ANKRD44: variants seen among roughly 807,000 people sequenced by gnomAD.
ANKRD44 encodes the protein ankyrin repeat domain 44.
A neutral mutation model predicts 116.0 loss-of-function variants in ANKRD44; 35 were observed. The ratio of observed to expected loss-of-function variants is 0.30; its 90% CI spans 0.23 to 0.40. The LOEUF is 0.40. Among genes scored for constraint, ANKRD44 ranks in the 10% least tolerant of loss-of-function variants. ANKRD44 has a pLI of 1.00. For synonymous variants in ANKRD44, 435 were observed against 461.8 expected (o/e 0.94, Z 0.74); for missense variants, 1,014 against 1,242.6 (o/e 0.82, Z 2.77).
chr2:197,086,958 T>C (rs924700370), intron 12 of ANKRD44, among the ~76,000 whole-genome samples: 5 of 152,198 alleles, frequency 3.3e-5, no homozygotes, highest in African/African-American at 4.8e-5. Context: ...AATAAATCAA[T>C]AGATTAAAGA....
intron 16 of ANKRD44, among the ~76,000 whole-genome samples, chr2:197,062,612 T>A (rs1559031445): frequency 1.3e-5 from 2 of 152,166 alleles, no homozygotes; most frequent in Admixed American, 6.5e-5. Context: ...ATCGGGTCAC[T>A]CCCACCCTAA....
Position 197,028,161 on chromosome 2 carries a change from T to C in ANKRD44, c.1651-2894A>G, listed in dbSNP as rs114040792. Among the ~76,000 whole-genome samples the C allele has an allele frequency of 4.4e-3, 677 of 152,328 alleles. 6 individuals are homozygous for C. Among genetic ancestry groups the C allele is most frequent in the African/African-American group, 0.016 (653 of 41,574 alleles). On this transcript the variant is annotated intron_variant, in intron 16 of 27. Transcript: ENST00000282272. ...AACTAGCAATAGTATAGGTTAAATA[T>C]AGTGGTATATATTACACTTTCAGAT... is the stretch of plus-strand genomic sequence containing the variant.
chr2:196,989,863 TA>T (rs2075888425), intron 27 of ANKRD44: 3 of 1,222,860 alleles, frequency 2.5e-6, no homozygotes, highest in Admixed American at 4.2e-5. Flanking sequence ...TGATGTTTTT[TA>T]AAAGTTAGTA....
At chr2:197,165,534 T>C (rs936947223) in intron 2 of ANKRD44, among the ~76,000 whole-genome samples, 5 of 152,182 alleles carry the variant, frequency 3.3e-5, no homozygotes, top group Admixed American at 2.0e-4. Flanking sequence ...TGTAAGCAGC[T>C]AGGAATAGTG....
intron 1 of ANKRD44, among the ~76,000 whole-genome samples, chr2:197,275,853 T>TTTATA (rs1213338812): frequency 1.3e-5 from 2 of 152,032 alleles, no homozygotes; most frequent in Non-Finnish European, 2.9e-5. Context: ...GGGGAAAGAG[T>TTTATA]TTATATAATT....
At chr2:197,205,582 A>G (rs1306104541) in intron 1 of ANKRD44, among the ~76,000 whole-genome samples, 1 of 152,208 alleles carries the variant, frequency 6.6e-6, no homozygotes, top group Non-Finnish European at 1.5e-5. Flanking sequence ...TAGTTCAACT[A>G]TGCCATATTG....
chr2:197,278,851 T>C (rs1056368919), intron 1 of ANKRD44, among the ~76,000 whole-genome samples: 5 of 152,180 alleles, frequency 3.3e-5, no homozygotes, highest in Non-Finnish European at 5.9e-5. Context: ...TTGGAAACAT[T>C]TGGAGCAGAA....
chr2:197,217,317 T>A (rs1439779010), intron 1 of ANKRD44, among the ~76,000 whole-genome samples: 1 of 152,188 alleles, frequency 6.6e-6, no homozygotes, highest in Admixed American at 6.5e-5. Flanking sequence ...AATAGAGCCA[T>A]CTTTTAAGGC....
intron 8 of ANKRD44, among the ~76,000 whole-genome samples, chr2:197,118,493 G>A (rs892867071): frequency 2.0e-5 from 3 of 152,076 alleles, no homozygotes; most frequent in Admixed American, 1.3e-4. Flanking sequence ...GGGAGGCTGA[G>A]GCAGGAGAAT....
chr2:197,149,540 G>A (rs956838655), intron 2 of ANKRD44, among the ~76,000 whole-genome samples: 4 of 152,176 alleles, frequency 2.6e-5, no homozygotes, highest in Non-Finnish European at 4.4e-5. Context: ...GAATAACTAT[G>A]CGAATTGATA....
chr2:196,975,809 AAAAGAAAGAAAG>A (rs139764360), intron 21 of ANKRD44, among the ~76,000 whole-genome samples: 110 of 136,478 alleles, frequency 8.1e-4, no homozygotes, highest in South Asian at 3.6e-3. Flanking sequence ...AGAAAAAGAA[AAAAGAAAGAAAG>A]AAAGAAAGAA....
rs1429999042 is a variant in ANKRD44 at position 197,201,751 on chromosome 2, T to C, written c.28-14645A>G. ...CAGGTATACTGTGTGATGCTAAGGT[T>C]TGGGCTTCTAATGATCCCATCGCCC... On this transcript the variant is annotated intron_variant, in intron 1 of 27. Coordinates refer to ENST00000282272, the MANE Select transcript of ANKRD44 (RefSeq NM_001195144.2). This position sits in a 1 kb window ranked among gnomAD's most constrained non-coding sequence, Gnocchi z 4.0. Among the ~76,000 whole-genome samples, 1 of 152,204 alleles carries C rather than the reference T, an allele frequency of 6.6e-6. No individual in the cohort carries two copies. The highest frequency in any genetic ancestry group is 1.5e-5 in the Non-Finnish European group (1 of 68,040).
chr2:197,128,753 C>T (rs1019111889), intron 4 of ANKRD44, among the ~76,000 whole-genome samples: 1 of 152,138 alleles, frequency 6.6e-6, no homozygotes, highest in African/African-American at 2.4e-5. Flanking sequence ...TTTTATTCTA[C>T]AGTTTTTATA....
intron 3 of ANKRD44, among the ~76,000 whole-genome samples, chr2:197,146,696 C>T (rs535122549): frequency 1.4e-5 from 2 of 147,542 alleles, no homozygotes; most frequent in African/African-American, 5.3e-5. Flanking sequence ...GGTGTATGTT[C>T]ATGTAGACTT....
At chr2:197,262,024 T>A (rs541092263) in intron 1 of ANKRD44, among the ~76,000 whole-genome samples, 1 of 152,356 alleles carries the variant, frequency 6.6e-6, no homozygotes, top group African/African-American at 2.4e-5. Flanking sequence ...TAATGTATGA[T>A]ATGTGCTAGG....
At chr2:196,977,705 T>A (rs1030133640) in intron 21 of ANKRD44, among the ~76,000 whole-genome samples, 4 of 152,182 alleles carry the variant, frequency 2.6e-5, no homozygotes, top group African/African-American at 9.7e-5. Flanking sequence ...TAAGAAGTAC[T>A]GGCAAGGAGG....
At chr2:197,301,711 T>A (rs1284505187) in intron 1 of ANKRD44, among the ~76,000 whole-genome samples, 1 of 152,230 alleles carries the variant, frequency 6.6e-6, no homozygotes. Context: ...ATATACATAT[T>A]TATATTCAAT....
intron 2 of ANKRD44, among the ~76,000 whole-genome samples, chr2:197,150,323 C>T (rs1368674663): frequency 1.3e-5 from 2 of 151,984 alleles, no homozygotes; most frequent in African/African-American, 2.4e-5. Context: ...CTGAGGTGGG[C>T]GGATCACAAG....
Position 197,257,017 on chromosome 2 carries a change from A to G in ANKRD44, c.27+53561T>C, listed in dbSNP as rs113247845. On this transcript the variant is annotated intron_variant, in intron 1 of 27. Transcript: ENST00000282272. ...AGTCAGTTGATGTCTCCAAACCTCTACAAGCAGCTCATCTTCAAAAAAAAA... is the reference window on the plus strand; with the variant it reads ...AGTCAGTTGATGTCTCCAAACCTCTGCAAGCAGCTCATCTTCAAAAAAAAA... Among the ~76,000 whole-genome samples the G allele has an allele frequency of 5.3e-5, 8 of 152,308 alleles. 1 individual carries two copies. Among genetic ancestry groups the G allele is most frequent in the African/African-American group, 1.7e-4 (7 of 41,576 alleles).
Sources: allele counts gnomAD v4.1 joint callset (sites outside exome capture counted in the v4.1 genomes callset), GRCh38; gene constraint gnomAD v4.1.1; non-coding constraint Gnocchi (gnomAD v3.1); transcripts MANE v1.5; gene names NCBI Gene and HGNC (gene_info 2026-07-23, HGNC 2026-07-21).